The following NEBL variants were observed in gnomAD, a reference collection of about 807,000 sequenced individuals.
NEBL encodes LIM and SH3 protein 2.
In NEBL, 122 loss-of-function variants were observed where a neutral mutation model predicts 140.2. The ratio of observed to expected loss-of-function variants is 0.87; its 90% CI spans 0.75 to 1.01. NEBL has a LOEUF of 1.01. NEBL is among the 50% of genes least tolerant of loss of function. The pLI, the probability that NEBL is intolerant of heterozygous loss-of-function variation, is 0.00. For synonymous variants in NEBL, 436 were observed against 398.9 expected, an observed-to-expected ratio of 1.09 and a Z score of -1.11; for missense variants, 1,365 against 1,231.3, an observed-to-expected ratio of 1.11 and a Z score of -1.62.
chr10:20,828,702 G>C, intron 16 of NEBL, 68 bp from the exon 17 acceptor site: 13 of 1,046,908 alleles, frequency 1.2e-5, no homozygotes, highest in Non-Finnish European at 1.6e-5. Context: ...GGGAGGGAGG[G>C]AGGCAGGAAA....
intron 5 of NEBL, among the ~76,000 whole-genome samples, chr10:20,872,695 C>A (rs1845070478): frequency 2.0e-5 from 3 of 152,162 alleles, no homozygotes; most frequent in African/African-American, 7.2e-5. Flanking sequence ...GCTGACAAAA[C>A]AGCTTGCAGT....
chr10:20,836,713 G>C (rs1382444716), intron 13 of NEBL, among the ~76,000 whole-genome samples: 1 of 151,874 alleles, frequency 6.6e-6, no homozygotes, highest in Non-Finnish European at 1.5e-5. Flanking sequence ...CTGTGAGGTG[G>C]GAAGCACTCT....
intron 2 of NEBL, among the ~76,000 whole-genome samples, chr10:21,070,993 A>G (rs913909660): frequency 6.6e-6 from 1 of 151,726 alleles, no homozygotes; most frequent in Non-Finnish European, 1.5e-5. Context: ...CCCAGGCAAC[A>G]TAGCAACACT....
At chr10:20,819,584 A>AT (rs1278988845) in intron 19 of NEBL, 68 bp from the exon 20 acceptor site, 84 of 1,573,256 alleles carry the variant, frequency 5.3e-5, no homozygotes, top group Admixed American at 1.5e-4. Context: ...ATTGCAACAG[A>AT]TTTTTTTTAA....
intron 2 of NEBL, among the ~76,000 whole-genome samples, chr10:21,151,374 A>G (rs1036880598): frequency 1.3e-5 from 2 of 152,144 alleles, no homozygotes; most frequent in African/African-American, 4.8e-5. Context: ...GTTCATTTTA[A>G]TGACAAAATG....
intron 12 of NEBL, among the ~76,000 whole-genome samples, chr10:20,843,070 C>A (rs1289547394): frequency 1.3e-5 from 2 of 152,048 alleles, no homozygotes; most frequent in Non-Finnish European, 2.9e-5. Context: ...CCCATTGTGA[C>A]CGTACTTGAA....
chr10:20,955,440 A>T (rs1159582469), intron 4 of NEBL, among the ~76,000 whole-genome samples: 1 of 152,220 alleles, frequency 6.6e-6, no homozygotes, highest in Non-Finnish European at 1.5e-5. Flanking sequence ...TGTCATTTAC[A>T]GATAGTGTGA....
intron 3 of NEBL, among the ~76,000 whole-genome samples, chr10:20,994,535 TA>T (rs1406384794): frequency 6.6e-6 from 1 of 152,140 alleles, no homozygotes; most frequent in Non-Finnish European, 1.5e-5. Flanking sequence ...GGCCGTAATA[TA>T]AAAAGCCAAC....
chr10:21,137,926 A>G (rs1472270879), intron 2 of NEBL, among the ~76,000 whole-genome samples: 2 of 151,322 alleles, frequency 1.3e-5, no homozygotes, highest in African/African-American at 4.9e-5. Context: ...GACCCTGAAA[A>G]AAAAAAAAAG....
chr10:21,061,171 T>TTA (rs1287440355), intron 2 of NEBL, among the ~76,000 whole-genome samples: 1 of 151,044 alleles, frequency 6.6e-6, no homozygotes, highest in African/African-American at 2.4e-5. Flanking sequence ...CTTATATGTA[T>TTA]TATATATATC....
At chr10:20,905,906 G>T (rs1181895797) in intron 4 of NEBL, among the ~76,000 whole-genome samples, 1 of 152,118 alleles carries the variant, frequency 6.6e-6, no homozygotes, top group Non-Finnish European at 1.5e-5. Flanking sequence ...GAACCATGAA[G>T]CCTTTGCAGT....
intron 2 of NEBL, among the ~76,000 whole-genome samples, chr10:21,038,268 T>C (rs1396747919): frequency 2.6e-5 from 4 of 152,232 alleles, no homozygotes; most frequent in African/African-American, 9.6e-5. Context: ...TAGGTATATA[T>C]GTGCCATGGT....
At position 20,889,945 on chromosome 10, in the gene NEBL, C is replaced by G; in HGVS notation, c.158G>C (p.Arg53Pro). 6.3e-7 allele frequency: 1 copy of G among 1,579,082 alleles called. No individual in the cohort carries two copies. The highest frequency in any genetic ancestry group is 8.7e-7 in the Non-Finnish European group (1 of 1,151,648). The change falls in exon 3 of 28, where the codon CGT becomes CCT. Residue 53 changes from arginine (R) to proline (P), a missense_variant. By Grantham distance (103) the Arg-to-Pro change is moderately radical (BLOSUM62 -2). Coordinates refer to ENST00000377122, the MANE Select transcript of NEBL (RefSeq NM_006393.3). ...GGACTTTTTAAACTCTTCTTTATAA[C>G]GGATCTAAAAAAGAGAATGATTTAC... ...RKCTELISDI[R>P]YKEEFKKSKD...
chr10:21,063,194 C>T (rs897405300), intron 2 of NEBL, among the ~76,000 whole-genome samples: 1 of 152,152 alleles, frequency 6.6e-6, no homozygotes, highest in African/African-American at 2.4e-5. Flanking sequence ...ACCCCATGCA[C>T]ACGCAGTTCC....
chr10:21,031,275 G>A (rs1833772745), intron 2 of NEBL, among the ~76,000 whole-genome samples: 1 of 152,170 alleles, frequency 6.6e-6, no homozygotes, highest in South Asian at 2.1e-4. Context: ...CCATGAGAAA[G>A]CTGCCACCAC....
At chr10:21,095,890 G>T (rs912578820) in intron 2 of NEBL, among the ~76,000 whole-genome samples, 45 of 152,238 alleles carry the variant, frequency 3.0e-4, no homozygotes, top group African/African-American at 1.0e-3. Context: ...GAAAACCTGG[G>T]TTCTGAGCTC....
At chr10:21,074,794 T>A (rs1306895225) in intron 2 of NEBL, among the ~76,000 whole-genome samples, 5 of 134,226 alleles carry the variant, frequency 3.7e-5, no homozygotes, top group African/African-American at 1.4e-4. Context: ...ATATATATAT[T>A]TTTGTTGTTG....
intron 26 of NEBL, among the ~76,000 whole-genome samples, chr10:20,802,319 T>C (rs1837199202): frequency 6.6e-6 from 1 of 152,186 alleles, no homozygotes; most frequent in African/African-American, 2.4e-5. Flanking sequence ...CCAAAGGAGC[T>C]GTGTGTCAAA....
chr10:21,005,862 CT>C (rs1243076664), intron 3 of NEBL, among the ~76,000 whole-genome samples: 1 of 147,340 alleles, frequency 6.8e-6, no homozygotes, highest in Non-Finnish European at 1.5e-5. Context: ...GTATTGCAAT[CT>C]TTTTTTTCCT....
Sources: allele counts gnomAD v4.1 joint callset (sites outside exome capture counted in the v4.1 genomes callset), GRCh38; gene constraint gnomAD v4.1.1; transcripts MANE v1.5; gene names NCBI Gene and HGNC (gene_info 2026-07-23, HGNC 2026-07-21).